Variants in GALNT13 observed in about 807,000 individuals in gnomAD.
GALNT13 encodes polypeptide N-acetylgalactosaminyltransferase 13, also known as UDP-GalNAc:polypeptide N-acetylgalactosaminyltransferase 13.
GALNT13 carries 28 observed loss-of-function variants against 64.2 expected under a neutral mutation model. That is an observed-to-expected ratio of 0.44 (90% CI 0.32 to 0.60). The LOEUF (loss-of-function observed/expected upper bound fraction) is 0.60. GALNT13 is among the 20% of genes least tolerant of loss of function. The pLI is 0.05. For missense variants in GALNT13, 577 were observed against 669.8 expected, an observed-to-expected ratio of 0.86 and a Z score of 1.53; for synonymous variants, 214 against 224.6, an observed-to-expected ratio of 0.95 and a Z score of 0.42.
intron 8 of GALNT13, among the ~76,000 whole-genome samples, chr2:154,275,015 G>C (rs889584341): frequency 6.6e-6 from 1 of 152,160 alleles, no homozygotes; most frequent in African/African-American, 2.4e-5. Flanking sequence ...TGCAAAGAGA[G>C]TGGCAGCATT....
the GALNT13 span, among the ~76,000 whole-genome samples, chr2:153,069,862 TA>T: frequency 2.0e-5 from 3 of 152,200 alleles, no homozygotes; most frequent in African/African-American, 7.2e-5. Context: ...CCCTTGATCA[TA>T]ACCTGGGGTG....
chr2:154,356,413 G>A lies in GALNT13; in HGVS notation c.1157-39578G>A, dbSNP rs75544624. The stretch of plus-strand genomic sequence containing the variant: ...GAAATCTAGACACATGGAAAAAAGT[G>A]CTTTTTAATCAGTTCTTGAAATCAA... On this transcript the variant is annotated intron_variant, in intron 9 of 12. Coordinates refer to ENST00000392825, the MANE Select transcript of GALNT13 (RefSeq NM_052917.4). Among the ~76,000 whole-genome samples the A allele has an allele frequency of 1.0e-3, 155 of 151,960 alleles. 1 individual carries two copies. The East Asian group carries it at 0.018, about 18-fold the overall frequency.
At chr2:154,053,098 C>T (rs1699726863) in intron 3 of GALNT13, among the ~76,000 whole-genome samples, 1 of 152,018 alleles carries the variant, frequency 6.6e-6, no homozygotes, top group South Asian at 2.1e-4. Context: ...AAAAACTTCC[C>T]ACAGCTGATG....
At chr2:153,319,414 C>T in the GALNT13 span, among the ~76,000 whole-genome samples, 7 of 152,164 alleles carry the variant, frequency 4.6e-5, no homozygotes. Context: ...GCTGGGACTA[C>T]AGGTGCATAT....
At chr2:154,233,344 AG>A (rs1689028054) in intron 4 of GALNT13, among the ~76,000 whole-genome samples, 1 of 152,102 alleles carries the variant, frequency 6.6e-6, no homozygotes, top group Non-Finnish European at 1.5e-5. Flanking sequence ...ATAATAACGA[AG>A]TTCTGGAGGT....
At chr2:153,630,793 ATATATATATATATATTTTTT>A in the GALNT13 span, among the ~76,000 whole-genome samples, 26 of 13,258 alleles carry the variant, frequency 2.0e-3, 1 homozygote, top group East Asian at 8.3e-3. Flanking sequence ...ATATATATAT[ATATATATATATATATTTTTT>A]TTTTTTTTTT....
At chr2:154,145,119 T>TATATATATATAC (rs1444821982) in intron 4 of GALNT13, among the ~76,000 whole-genome samples, 23 of 137,268 alleles carry the variant, frequency 1.7e-4, no homozygotes, top group African/African-American at 6.3e-4. Context: ...TATATATATA[T>TATATATATATAC]ACACACACTA....
Position 154,140,342 on chromosome 2 carries a change from A to G in GALNT13, c.148A>G (p.Ile50Val). ...RSLLPALRAV[I>V]SRNQEGPGEM... ...TATCTCTGTATGTCTTACAGCTGTTATTTCAAGAAACCAAGAAGGGCCAGG... is the reference window on the plus strand; with the variant it reads ...TATCTCTGTATGTCTTACAGCTGTTGTTTCAAGAAACCAAGAAGGGCCAGG... Residue 50 changes from isoleucine to valine, a missense_variant, in exon 4 of 13, where the codon ATT becomes GTT. By Grantham distance (29) the Ile-to-Val change is conservative. Coordinates refer to ENST00000392825, the MANE Select transcript of GALNT13 (RefSeq NM_052917.4). The G allele has an allele frequency of 6.2e-7, 1 of 1,611,650 alleles. No homozygotes were observed. Among genetic ancestry groups the G allele is most frequent in the South Asian group, 1.1e-5 (1 of 91,014 alleles).
chr2:153,633,051 A>G, the GALNT13 span, among the ~76,000 whole-genome samples: 4 of 152,116 alleles, frequency 2.6e-5, no homozygotes, highest in Admixed American at 6.6e-5. Flanking sequence ...GTGAGCCACC[A>G]TACGCAGCGC....
chr2:154,000,533 T>C (rs1456612412), intron 3 of GALNT13, among the ~76,000 whole-genome samples: 3 of 152,144 alleles, frequency 2.0e-5, no homozygotes, highest in Admixed American at 2.0e-4. Context: ...CAAAGAATTT[T>C]TACACTAAAA....
the GALNT13 span, among the ~76,000 whole-genome samples, chr2:153,434,575 G>A: frequency 6.6e-6 from 1 of 152,144 alleles, no homozygotes. Context: ...TTTCTCTGAT[G>A]GCCAGTGATG....
At chr2:153,197,297 G>A in the GALNT13 span, among the ~76,000 whole-genome samples, 5 of 152,232 alleles carry the variant, frequency 3.3e-5, no homozygotes, top group South Asian at 2.1e-4. Flanking sequence ...TCCAGGTGTC[G>A]TGCTTGGGCA....
the GALNT13 span, among the ~76,000 whole-genome samples, chr2:153,682,028 CT>C: frequency 1.3e-5 from 2 of 151,716 alleles, no homozygotes; most frequent in African/African-American, 4.8e-5. Flanking sequence ...AGTTCTTGCG[CT>C]GGCAACTAAG....
the GALNT13 span, among the ~76,000 whole-genome samples, chr2:153,529,766 A>G: frequency 1.1e-3 from 174 of 152,248 alleles, no homozygotes; most frequent in African/African-American, 4.0e-3. Context: ...AAATCAATCA[A>G]TATGATACCT....
chr2:154,164,929 C>A (rs1684943333), intron 4 of GALNT13, among the ~76,000 whole-genome samples: 1 of 152,082 alleles, frequency 6.6e-6, no homozygotes. Flanking sequence ...CCCTTTAATA[C>A]ATTCTAATAT....
chr2:153,258,375 A>AAAACG, the GALNT13 span, among the ~76,000 whole-genome samples: 1 of 107,656 alleles, frequency 9.3e-6, no homozygotes, highest in African/African-American at 3.2e-5. Flanking sequence ...TCCCAAAAAC[A>AAAACG]AAACAAAACA....
At chr2:153,543,330 G>A in the GALNT13 span, among the ~76,000 whole-genome samples, 5 of 152,202 alleles carry the variant, frequency 3.3e-5, no homozygotes, top group African/African-American at 1.2e-4. Flanking sequence ...ACATCTTACT[G>A]TTGAGTGCAT....
chr2:154,199,294 G>T (rs1486019242), intron 4 of GALNT13, among the ~76,000 whole-genome samples: 1 of 151,940 alleles, frequency 6.6e-6, no homozygotes, highest in Non-Finnish European at 1.5e-5. Flanking sequence ...AAAATGGAAT[G>T]CAAGAAGAAA....
the GALNT13 span, among the ~76,000 whole-genome samples, chr2:153,175,327 A>G: frequency 1.2e-3 from 187 of 152,272 alleles, 1 homozygote; most frequent in African/African-American, 4.1e-3. Flanking sequence ...GTGTGTTTAT[A>G]TGTCGCAGAG....
Sources: gnomAD v4.1 joint callset for allele counts (sites outside exome capture counted in the v4.1 genomes callset) on GRCh38, gnomAD v4.1.1 for gene constraint, MANE v1.5 for transcripts, NCBI Gene and HGNC (gene_info 2026-07-23, HGNC 2026-07-21) for gene names.